The following ZEB1 variants were observed in gnomAD, a reference collection of about 807,000 sequenced individuals.
ZEB1 encodes the protein zinc finger E-box-binding homeobox 1.
In ZEB1, 21 loss-of-function variants were observed where a neutral mutation model predicts 84.9. The observed-to-expected ratio is 0.25, with a 90% CI of 0.18 to 0.36. ZEB1 has a LOEUF of 0.36. ZEB1 is among the 10% of genes least tolerant of loss of function. The pLI is 1.00. For missense variants in ZEB1, 1,104 were observed against 1,330.2 expected (o/e 0.83, Z 2.65); for synonymous variants, 420 against 471.1 (o/e 0.89, Z 1.41).
intron 7 of ZEB1, among the ~76,000 whole-genome samples, chr10:31,522,835 T>C (rs1322506570): frequency 1.3e-5 from 2 of 152,250 alleles, no homozygotes; most frequent in Admixed American, 6.5e-5. Context: ...TGTTTTCCCT[T>C]AAATATTGCT....
intron 2 of ZEB1, among the ~76,000 whole-genome samples, chr10:31,489,142 TC>T (rs1258009629): frequency 4.0e-5 from 6 of 151,318 alleles, no homozygotes; most frequent in Admixed American, 1.3e-4. Flanking sequence ...ATTTTAAAGC[TC>T]TGTTGTTAAA....
intron 1 of ZEB1, chr10:31,321,402 G>A: frequency 1.2e-6 from 2 of 1,603,328 alleles, no homozygotes; most frequent in East Asian, 4.5e-5. Context: ...TATTCTCATT[G>A]TGGAGAGATG....
At chr10:31,445,195 C>T (rs951075212) in intron 1 of ZEB1, among the ~76,000 whole-genome samples, 1 of 145,876 alleles carries the variant, frequency 6.9e-6, no homozygotes, top group African/African-American at 2.8e-5. Flanking sequence ...TGGGAGTTCA[C>T]TCATGATTTG....
intron 1 of ZEB1, among the ~76,000 whole-genome samples, chr10:31,382,378 G>T (rs1286868537): frequency 1.3e-5 from 2 of 152,076 alleles, no homozygotes; most frequent in Non-Finnish European, 2.9e-5. Flanking sequence ...GAGGAATACT[G>T]AACAAATAAG....
rs565867550 is a variant in ZEB1, at chr10:31,523,552, G to A, written c.2605-381G>A. Among the ~76,000 whole-genome samples the A allele has an allele frequency of 1.2e-4, 19 of 152,326 alleles. No individual in the cohort carries two copies. The South Asian group carries it at 2.7e-3, about 22-fold the overall frequency. ...GCAGTTAGTAATGAGCGATTAATTA[G>A]CAAACTAATAAGTTAAAACCTTCTG... On this transcript the variant is annotated intron_variant, in intron 7 of 8. Coordinates refer to ENST00000424869, the MANE Select transcript of ZEB1 (RefSeq NM_001174096.2).
chr10:31,511,359 C>A (rs771635653), intron 5 of ZEB1, among the ~76,000 whole-genome samples: 1 of 152,054 alleles, frequency 6.6e-6, no homozygotes, highest in African/African-American at 2.4e-5. Flanking sequence ...AAGGGAGTTG[C>A]CTCCTCTAAA....
In ZEB1 at chr10:31,351,665, T is replaced by G. The variant is rs193117773; in HGVS notation, c.58+32373T>G. The stretch of plus-strand genomic sequence containing the variant: ...CTTTGATAATGTCACTACTGGAAAT[T>G]ATGTTTATCCTTCATAAATTAACTA... On this transcript the variant is annotated intron_variant, in intron 1 of 8. Coordinates refer to ENST00000424869, the MANE Select transcript of ZEB1 (RefSeq NM_001174096.2). 6.7e-3 allele frequency among the ~76,000 whole-genome samples: 1,025 copies of G among 152,274 alleles called. 10 individuals carry two copies. The highest frequency in any genetic ancestry group is 0.024 in the African/African-American group (987 of 41,558).
chr10:31,336,470 T>C (rs1373443305), intron 1 of ZEB1, among the ~76,000 whole-genome samples: 2 of 152,158 alleles, frequency 1.3e-5, no homozygotes, highest in Non-Finnish European at 2.9e-5. Flanking sequence ...ATAAAGATGA[T>C]AGGCTAGAAT....
At chr10:31,354,843 A>G (rs2041871406) in intron 1 of ZEB1, among the ~76,000 whole-genome samples, 1 of 152,176 alleles carries the variant, frequency 6.6e-6, no homozygotes. Context: ...TGATCTTTAA[A>G]AGACATTTTA....
intron 1 of ZEB1, among the ~76,000 whole-genome samples, chr10:31,349,453 G>T (rs2040915975): frequency 6.6e-6 from 1 of 152,114 alleles, no homozygotes; most frequent in Non-Finnish European, 1.5e-5. Flanking sequence ...GAGACTGGTG[G>T]ATCATATGAT....
At chr10:31,348,421 G>T (rs888897049) in intron 1 of ZEB1, among the ~76,000 whole-genome samples, 1 of 151,962 alleles carries the variant, frequency 6.6e-6, no homozygotes, top group Admixed American at 6.6e-5. Context: ...AAAATTAGCC[G>T]GGTGTGGTGG....
chr10:31,495,399 T>C (rs1251380188), intron 2 of ZEB1, among the ~76,000 whole-genome samples: 1 of 152,076 alleles, frequency 6.6e-6, no homozygotes, highest in African/African-American at 2.4e-5. Context: ...AAATCTGTAC[T>C]GCTTTTACTT....
intron 1 of ZEB1, among the ~76,000 whole-genome samples, chr10:31,345,285 AAAAT>A (rs893044658): frequency 2.6e-5 from 4 of 152,164 alleles, no homozygotes; most frequent in African/African-American, 9.7e-5. Context: ...GTGATAGAAA[AAAAT>A]AGATTGGCAG....
chr10:31,381,615 A>C (rs2047648832), intron 1 of ZEB1: 1 of 152,200 alleles, frequency 6.6e-6, no homozygotes, highest in African/African-American at 2.4e-5. Context: ...CTAAATATCA[A>C]AAGGTTTTAA....
intron 1 of ZEB1, among the ~76,000 whole-genome samples, chr10:31,402,218 G>C (rs1260771359): frequency 1.3e-5 from 2 of 151,946 alleles, no homozygotes; most frequent in Non-Finnish European, 2.9e-5. Flanking sequence ...GAGATGGTAT[G>C]GTTACCATCC....
At chr10:31,453,395 A>G (rs1342838735) in intron 1 of ZEB1, among the ~76,000 whole-genome samples, 1 of 152,164 alleles carries the variant, frequency 6.6e-6, no homozygotes, top group East Asian at 1.9e-4. Flanking sequence ...AAATGATGAT[A>G]GTGAGATTCT....
intron 1 of ZEB1, among the ~76,000 whole-genome samples, chr10:31,437,135 A>G (rs899398303): frequency 1.3e-5 from 2 of 152,218 alleles, no homozygotes; most frequent in African/African-American, 4.8e-5. Flanking sequence ...TCTGTTGCAC[A>G]TTAGCAAGGC....
rs1199310426 is a variant in ZEB1, at chr10:31,405,776, T to C, written c.59-55261T>C. Reference sequence around the variant, plus strand: ...TTGTTACATAGGTATACATGTGTCATGGTGGTTTGTTGCACCCATCAACCC... The same window carrying C: ...TTGTTACATAGGTATACATGTGTCACGGTGGTTTGTTGCACCCATCAACCC... On this transcript the variant is annotated intron_variant, in intron 1 of 8. Transcript: ENST00000424869. Among the ~76,000 whole-genome samples, 7 of 152,104 alleles carry C rather than the reference T, an allele frequency of 4.6e-5. No homozygotes were observed. In the East Asian group the frequency reaches 1.2e-3, roughly 25 times the overall value.
At chr10:31,398,311 G>A (rs943212541) in intron 1 of ZEB1, among the ~76,000 whole-genome samples, 2 of 151,716 alleles carry the variant, frequency 1.3e-5, no homozygotes, top group African/African-American at 4.8e-5. Flanking sequence ...TATATATATT[G>A]GCTTCTTTGT....
Sources: gnomAD v4.1 joint callset for allele counts (sites outside exome capture counted in the v4.1 genomes callset) on GRCh38, gnomAD v4.1.1 for gene constraint, MANE v1.5 for transcripts, NCBI Gene and HGNC (gene_info 2026-07-23, HGNC 2026-07-21) for gene names.